ASIC2: variants seen among roughly 807,000 people sequenced by gnomAD.
ASIC2 encodes the protein acid-sensing ion channel 2.
ASIC2 carries 25 observed loss-of-function variants against 57.3 expected under a neutral mutation model. The observed-to-expected ratio is 0.44, with a 90% CI of 0.32 to 0.61. The LOEUF (loss-of-function observed/expected upper bound fraction) is 0.61. Ranked by LOEUF, ASIC2 falls within the 20% of genes least tolerant of loss-of-function variation. The pLI, the probability that ASIC2 is intolerant of heterozygous loss-of-function variation, is 0.06. For missense variants in ASIC2, 641 were observed against 738.1 expected, an observed-to-expected ratio of 0.87 and a Z score of 1.52; for synonymous variants, 319 against 307.5, an observed-to-expected ratio of 1.04 and a Z score of -0.39.
At chr17:34,102,484 C>T (rs1435127648) in intron 1 of ASIC2, among the ~76,000 whole-genome samples, 1 of 152,190 alleles carries the variant, frequency 6.6e-6, no homozygotes, top group Admixed American at 6.5e-5. Flanking sequence ...CCTGCCACCT[C>T]ACACCCCAGA....
At chr17:34,054,128 C>T (rs1908673998) in intron 1 of ASIC2, among the ~76,000 whole-genome samples, 1 of 152,248 alleles carries the variant, frequency 6.6e-6, no homozygotes, top group South Asian at 2.1e-4. Context: ...TGTAAATAAT[C>T]TTGCATGTGC....
intron 1 of ASIC2, among the ~76,000 whole-genome samples, chr17:33,659,208 C>T (rs754925411): frequency 1.7e-4 from 26 of 152,162 alleles, no homozygotes; most frequent in Admixed American, 2.6e-4. Flanking sequence ...CTCACCTCTG[C>T]AGTTCCTTGA....
intron 1 of ASIC2, among the ~76,000 whole-genome samples, chr17:33,576,278 G>C (rs754088056): frequency 1.3e-5 from 2 of 152,132 alleles, no homozygotes; most frequent in Non-Finnish European, 2.9e-5. Flanking sequence ...ACAGACTTCA[G>C]AGAGAACCCA....
intron 1 of ASIC2, among the ~76,000 whole-genome samples, chr17:33,155,397 CTTCTAACTTCTGAATAGCT>C (rs1904962201): frequency 6.6e-6 from 1 of 152,328 alleles, no homozygotes; most frequent in East Asian, 1.9e-4. Context: ...TCCATTTCCT[CTTCTAACTTCTGAATAGCT>C]TTAGATACTT....
Position 33,013,832 on chromosome 17 carries a change from T to A in ASIC2, c.*133A>T. 1.3e-6 allele frequency: 1 copy of A among 781,978 alleles called. No individual in the cohort carries two copies. Among genetic ancestry groups the A allele is most frequent in the Non-Finnish European group, 2.1e-6 (1 of 468,098 alleles). 48.4% of individuals were successfully genotyped at this position (781,978 alleles called of 1,614,324 possible). ...GCCGGAGCGAGGTCTAGGCAGCTAG[T>A]CTGCAATGTGTGCATAGGGGGCTCT... is the stretch of plus-strand genomic sequence containing the variant. On this transcript the variant is annotated 3_prime_UTR_variant, in exon 10 of 10. Coordinates refer to ENST00000225823, the MANE Select transcript of ASIC2 (RefSeq NM_183377.2).
intron 3 of ASIC2, among the ~76,000 whole-genome samples, chr17:33,057,436 C>G (rs945827736): frequency 6.6e-6 from 1 of 152,228 alleles, no homozygotes; most frequent in Admixed American, 6.5e-5. Flanking sequence ...TCTTCTGTCT[C>G]TATGTGCTTG....
chr17:33,312,693 G>A (rs1250090512), intron 1 of ASIC2, among the ~76,000 whole-genome samples: 1 of 152,198 alleles, frequency 6.6e-6, no homozygotes, highest in African/African-American at 2.4e-5. Context: ...CCAGCACTTG[G>A]GGAAGTTGAG....
chr17:33,946,423 T>C (rs1409220001), intron 1 of ASIC2, among the ~76,000 whole-genome samples: 1 of 152,232 alleles, frequency 6.6e-6, no homozygotes, highest in African/African-American at 2.4e-5. Context: ...TAGCCTGGCC[T>C]TGAATCAGAC....
chr17:34,031,110 C>T (rs1567794135), intron 1 of ASIC2, among the ~76,000 whole-genome samples: 1 of 152,164 alleles, frequency 6.6e-6, no homozygotes, highest in Non-Finnish European at 1.5e-5. Context: ...GGAGGCACCC[C>T]CCAGTAGGGG....
chr17:33,904,488 A>C (rs1163079629), intron 1 of ASIC2, among the ~76,000 whole-genome samples: 1 of 152,212 alleles, frequency 6.6e-6, no homozygotes, highest in Non-Finnish European at 1.5e-5. Flanking sequence ...TGCAATTCAA[A>C]TGTTCTGAGG....
intron 1 of ASIC2, among the ~76,000 whole-genome samples, chr17:33,205,063 C>T (rs959364428): frequency 7.2e-5 from 11 of 152,218 alleles, no homozygotes; most frequent in East Asian, 3.9e-4. Flanking sequence ...GTGCCCTCAC[C>T]GATACAGAGC....
chr17:34,142,940 A>G (rs1303357175), intron 1 of ASIC2: 3 of 152,354 alleles, frequency 2.0e-5, no homozygotes, highest in Non-Finnish European at 2.9e-5. Flanking sequence ...TTACCCTGGC[A>G]AGAAGAGACT....
chr17:33,127,231 ACTCT>A (rs1316219594), intron 1 of ASIC2, among the ~76,000 whole-genome samples: 1 of 151,742 alleles, frequency 6.6e-6, no homozygotes, highest in Non-Finnish European at 1.5e-5. Flanking sequence ...AGGCTAAACA[ACTCT>A]CTCAACGTCA....
intron 1 of ASIC2, among the ~76,000 whole-genome samples, chr17:34,080,315 T>C (rs759927112): frequency 1.4e-4 from 21 of 152,178 alleles, no homozygotes; most frequent in Non-Finnish European, 2.5e-4. Flanking sequence ...TGCAATGTGG[T>C]GGCCATTTCC....
Position 34,022,534 on chromosome 17 carries a change from T to A in ASIC2, c.555+133444A>T, listed in dbSNP as rs114594976. ...CTTAATAGCTACCACTTAATTAGTA[T>A]CTGCTATGTGCCAAGAACTATGCTA... On this transcript the variant is annotated intron_variant, in intron 1 of 9. Coordinates refer to the ASIC2 transcript ENST00000359872. 7.4e-3 allele frequency among the ~76,000 whole-genome samples: 1,122 copies of A among 151,910 alleles called. 9 individuals are homozygous for A. The highest frequency in any genetic ancestry group is 0.026 in the African/African-American group (1,067 of 41,430).
chr17:33,253,305 C>T (rs1908949677), intron 1 of ASIC2, among the ~76,000 whole-genome samples: 2 of 152,160 alleles, frequency 1.3e-5, no homozygotes. Flanking sequence ...AGATATATTA[C>T]TGACTATGGT....
chr17:33,526,696 A>G (rs903509488), intron 1 of ASIC2, among the ~76,000 whole-genome samples: 2 of 149,574 alleles, frequency 1.3e-5, no homozygotes, highest in Non-Finnish European at 2.9e-5. Flanking sequence ...TGGGCAGGCT[A>G]TGAGACCCTG....
chr17:34,111,655 C>T (rs1449306357), intron 1 of ASIC2, among the ~76,000 whole-genome samples: 1 of 152,144 alleles, frequency 6.6e-6, no homozygotes, highest in Non-Finnish European at 1.5e-5. Context: ...CCTGATATGG[C>T]ACCATTATTA....
At chr17:33,948,928 G>A (rs1219347227) in intron 1 of ASIC2, among the ~76,000 whole-genome samples, 1 of 152,150 alleles carries the variant, frequency 6.6e-6, no homozygotes, top group Non-Finnish European at 1.5e-5. Flanking sequence ...GCAGGCCAAA[G>A]GGTCTTCGTT....
Sources: gnomAD v4.1 joint callset for allele counts (sites outside exome capture counted in the v4.1 genomes callset) on GRCh38, gnomAD v4.1.1 for gene constraint, MANE v1.5 for transcripts, NCBI Gene and HGNC (gene_info 2026-07-23, HGNC 2026-07-21) for gene names.